Variants in SLMAP observed in about 807,000 individuals in gnomAD.
SLMAP encodes sarcolemma associated protein, also known as sarcolemmal membrane-associated protein.
SLMAP carries 44 observed loss-of-function variants against 128.8 expected under a neutral mutation model. The observed-to-expected ratio is 0.34, with a 90% CI of 0.27 to 0.44. SLMAP has a LOEUF of 0.44. Ranked by LOEUF, SLMAP falls within the 20% of genes least tolerant of loss-of-function variation. SLMAP has a pLI of 1.00. For synonymous variants in SLMAP, 327 were observed against 348.8 expected (o/e 0.94, Z 0.70); for missense variants, 787 against 985.3 (o/e 0.80, Z 2.69).
intron 2 of SLMAP, among the ~76,000 whole-genome samples, chr3:57,772,896 T>C (rs1487810035): frequency 6.6e-6 from 1 of 152,180 alleles, no homozygotes; most frequent in Non-Finnish European, 1.5e-5. Flanking sequence ...CGCCTCGGCC[T>C]CCCAAAGTGC....
In SLMAP at chr3:57,912,429, A is replaced by G; in HGVS notation, c.1748A>G (p.Lys583Arg). 1 of 1,614,022 alleles carries G rather than the reference A, an allele frequency of 6.2e-7. No homozygotes were observed. Among genetic ancestry groups the G allele is most frequent in the Non-Finnish European group, 8.5e-7 (1 of 1,179,864 alleles). The change falls in exon 20 of 25, where the codon AAG (lysine) becomes AGG (arginine). Residue 583 changes from lysine to arginine, a missense_variant. Around this residue, in one of 2 missense-constraint regions of SLMAP, gnomAD observed 715 missense variants for 843.6 expected, o/e 0.85. Transcript: ENST00000671191. ...GATACTGAGAATCTCCGGGAGGAGAAGGACAGTGAAATCACAAGTACTAGA... is the reference window on the plus strand; with the variant it reads ...GATACTGAGAATCTCCGGGAGGAGAGGGACAGTGAAATCACAAGTACTAGA... ...HIDTENLREE[K>R]DSEITSTRDE...
chr3:57,846,020 T>C (rs2094228048), intron 4 of SLMAP, among the ~76,000 whole-genome samples: 1 of 152,098 alleles, frequency 6.6e-6, no homozygotes. Context: ...TTTTGTATTA[T>C]TAGTAGAGAT....
chr3:57,870,295 C>G (rs1472511820), intron 13 of SLMAP, among the ~76,000 whole-genome samples: 2 of 152,042 alleles, frequency 1.3e-5, no homozygotes, highest in Non-Finnish European at 2.9e-5. Flanking sequence ...TACTATTATA[C>G]TGAGGGCTCC....
intron 3 of SLMAP, among the ~76,000 whole-genome samples, chr3:57,838,536 G>T (rs1296231905): frequency 6.6e-6 from 1 of 152,214 alleles, no homozygotes; most frequent in Non-Finnish European, 1.5e-5. Flanking sequence ...AATCCTTGAT[G>T]CCCTCAAAGA....
intron 2 of SLMAP, among the ~76,000 whole-genome samples, chr3:57,781,729 A>T (rs1371350071): frequency 8.2e-5 from 9 of 109,140 alleles, no homozygotes; most frequent in Admixed American, 2.3e-4. Flanking sequence ...ATATTGACTG[A>T]TTTTTTTTTT....
intron 15 of SLMAP, among the ~76,000 whole-genome samples, chr3:57,895,449 C>G (rs987878359): frequency 1.1e-4 from 17 of 152,184 alleles, no homozygotes; most frequent in African/African-American, 4.1e-4. Context: ...AATTCTCTGC[C>G]TCAGCCTCCC....
intron 2 of SLMAP, among the ~76,000 whole-genome samples, chr3:57,771,522 C>T (rs1160780526): frequency 6.6e-6 from 1 of 152,120 alleles, no homozygotes; most frequent in African/African-American, 2.4e-5. Flanking sequence ...TGAGCCACTG[C>T]ACCTGGCCTT....
chr3:57,776,235 G>A (rs868867728), intron 2 of SLMAP, among the ~76,000 whole-genome samples: 3 of 152,166 alleles, frequency 2.0e-5, no homozygotes, highest in Middle Eastern at 6.3e-3. Context: ...TGTAGGTACA[G>A]AAAATGAAAA....
intron 2 of SLMAP, among the ~76,000 whole-genome samples, chr3:57,783,250 C>G (rs2083423182): frequency 6.6e-6 from 1 of 152,108 alleles, no homozygotes; most frequent in South Asian, 2.1e-4. Flanking sequence ...ATCTGAAAAC[C>G]TTAGAGATTA....
At chr3:57,762,751 T>C (rs1479616434) in intron 2 of SLMAP, among the ~76,000 whole-genome samples, 2 of 129,994 alleles carry the variant, frequency 1.5e-5, no homozygotes, top group Admixed American at 8.7e-5. Context: ...AGTCTTGCCC[T>C]GTCTCCCAGG....
intron 2 of SLMAP, among the ~76,000 whole-genome samples, chr3:57,774,066 A>G (rs1185990505): frequency 6.6e-6 from 1 of 152,222 alleles, no homozygotes; most frequent in Non-Finnish European, 1.5e-5. Context: ...GTATTAAATG[A>G]TAGAAACTGC....
intron 2 of SLMAP, among the ~76,000 whole-genome samples, chr3:57,830,205 AC>A (rs1406230530): frequency 6.6e-6 from 1 of 151,698 alleles, no homozygotes; most frequent in Non-Finnish European, 1.5e-5. Context: ...ACCATACACC[AC>A]CATGTTGGCG....
chr3:57,762,053 C>CAAA (rs1312577556), intron 2 of SLMAP, among the ~76,000 whole-genome samples: 11 of 45,528 alleles, frequency 2.4e-4, no homozygotes, highest in African/African-American at 8.3e-4. Flanking sequence ...GACTCCGTCT[C>CAAA]AAAAAAAAAA....
At chr3:57,828,896 T>C (rs192694099) in intron 2 of SLMAP, among the ~76,000 whole-genome samples, 10 of 152,126 alleles carry the variant, frequency 6.6e-5, no homozygotes, top group African/African-American at 2.2e-4. Context: ...TCCTCCCAGC[T>C]CAACCTCCCG....
chr3:57,911,585 A>G (rs1481769994), intron 19 of SLMAP, among the ~76,000 whole-genome samples: 3 of 152,182 alleles, frequency 2.0e-5, no homozygotes, highest in African/African-American at 7.2e-5. Flanking sequence ...TCAACCAATA[A>G]TTCTTGATTG....
chr3:57,831,955 G>T (rs1257869835), intron 3 of SLMAP, among the ~76,000 whole-genome samples: 1 of 152,198 alleles, frequency 6.6e-6, no homozygotes, highest in Non-Finnish European at 1.5e-5. Context: ...CATGCTTTTG[G>T]TTGTTGCTTC....
chr3:57,787,547 G>A (rs2084485206), intron 2 of SLMAP, among the ~76,000 whole-genome samples: 2 of 152,130 alleles, frequency 1.3e-5, no homozygotes, highest in Non-Finnish European at 2.9e-5. Context: ...CGCAATCTCC[G>A]CTCACTGCAA....
chr3:57,768,544 G>A (rs906843967), intron 2 of SLMAP, among the ~76,000 whole-genome samples: 4 of 152,140 alleles, frequency 2.6e-5, no homozygotes, highest in African/African-American at 7.2e-5. Flanking sequence ...CTGTTTATAT[G>A]AAATGTGTAG....
At chr3:57,819,805 G>T (rs2092333713) in intron 2 of SLMAP, among the ~76,000 whole-genome samples, 1 of 152,094 alleles carries the variant, frequency 6.6e-6, no homozygotes, top group South Asian at 2.1e-4. Flanking sequence ...TAAGCCTGGG[G>T]TGCAGTGGTG....
Sources: allele counts gnomAD v4.1 joint callset (sites outside exome capture counted in the v4.1 genomes callset), GRCh38; gene constraint gnomAD v4.1.1; regional missense constraint gnomAD v4.1.1; transcripts MANE v1.5; gene names NCBI Gene and HGNC (gene_info 2026-07-23, HGNC 2026-07-21).